PLEKHA5: variants seen among roughly 807,000 people sequenced by gnomAD.
The protein encoded by PLEKHA5 is pleckstrin homology domain containing A5.
A neutral mutation model predicts 181.9 loss-of-function variants in PLEKHA5; 55 were observed. The ratio of observed to expected loss-of-function variants is 0.30; its 90% CI spans 0.24 to 0.38. The LOEUF (loss-of-function observed/expected upper bound fraction) is 0.38, where lower values mean the gene tolerates loss of function less well. Among genes scored for constraint, PLEKHA5 ranks in the 10% least tolerant of loss-of-function variants. PLEKHA5 has a pLI of 1.00. For synonymous variants in PLEKHA5, 535 were observed against 529.4 expected (o/e 1.01, Z -0.15); for missense variants, 1,432 against 1,549.5 (o/e 0.92, Z 1.27).
At chr12:19,137,875 A>C (rs1261159004) in intron 3 of PLEKHA5, among the ~76,000 whole-genome samples, 3 of 152,138 alleles carry the variant, frequency 2.0e-5, no homozygotes, top group Non-Finnish European at 4.4e-5. Flanking sequence ...GCTGGCTCCT[A>C]GTTATTTAAG....
At chr12:19,214,430 C>G (rs1383750425) in intron 3 of PLEKHA5, among the ~76,000 whole-genome samples, 3 of 151,866 alleles carry the variant, frequency 2.0e-5, no homozygotes, top group African/African-American at 7.3e-5. Context: ...TACAAATAGC[C>G]TTTTTGACTG....
intron 3 of PLEKHA5, chr12:19,151,820 A>G (rs2040447825): frequency 6.6e-6 from 1 of 151,764 alleles, no homozygotes; most frequent in Admixed American, 6.6e-5. Context: ...AAAAAATTCA[A>G]GGATCAAGAT....
chr12:19,365,908 AAAATT>A, intron 29 of PLEKHA5, 51 bp from the exon 30 acceptor site: 1 of 1,277,600 alleles, frequency 7.8e-7, no homozygotes. Context: ...AAAAAAAAGA[AAAATT>A]AATTGTATTC....
intron 6 of PLEKHA5, among the ~76,000 whole-genome samples, chr12:19,258,555 C>CTTTTTTTTTTT (rs2067457318): frequency 1.0e-5 from 1 of 98,776 alleles, no homozygotes. Context: ...TTTTTTTTTT[C>CTTTTTTTTTTT]TTTTTCTTTT....
chr12:19,154,121 G>A (rs1243106949), intron 3 of PLEKHA5: 1 of 152,008 alleles, frequency 6.6e-6, no homozygotes, highest in Non-Finnish European at 1.5e-5. Flanking sequence ...TATCATGAGG[G>A]GACCTCCACC....
intron 3 of PLEKHA5, among the ~76,000 whole-genome samples, chr12:19,175,202 A>G (rs985806119): frequency 5.9e-5 from 9 of 152,140 alleles, no homozygotes; most frequent in Non-Finnish European, 1.3e-4. Context: ...ATCGAGTGTA[A>G]ACTGTGAAAA....
chr12:19,186,889 C>T (rs951463871), intron 3 of PLEKHA5, among the ~76,000 whole-genome samples: 2 of 152,058 alleles, frequency 1.3e-5, no homozygotes, highest in African/African-American at 4.8e-5. Flanking sequence ...ATCAGAAGGT[C>T]GAGGAATAAC....
intron 11 of PLEKHA5, among the ~76,000 whole-genome samples, chr12:19,281,193 C>T (rs569941482): frequency 1.3e-4 from 20 of 149,936 alleles, no homozygotes; most frequent in Non-Finnish European, 2.7e-4. Context: ...CTCCACTGCA[C>T]TCCAGCCTGG....
intron 3 of PLEKHA5, among the ~76,000 whole-genome samples, chr12:19,228,423 T>C (rs1393376047): frequency 3.5e-4 from 34 of 98,034 alleles, no homozygotes; most frequent in Admixed American, 3.1e-3. Flanking sequence ...TCAAAGCCTA[T>C]TTATATTTTT....
intron 25 of PLEKHA5, among the ~76,000 whole-genome samples, chr12:19,349,956 C>T (rs1286274301): frequency 6.6e-6 from 1 of 151,940 alleles, no homozygotes; most frequent in African/African-American, 2.4e-5. Context: ...ACTAAAAATA[C>T]AAAAAATTAG....
At chr12:19,231,469 T>G (rs2060528420) in intron 3 of PLEKHA5, among the ~76,000 whole-genome samples, 1 of 115,536 alleles carries the variant, frequency 8.7e-6, no homozygotes, top group South Asian at 2.7e-4. Context: ...GAAATGTATA[T>G]TCATCCAAAA....
At chr12:19,138,572 C>CAAA (rs61416754) in intron 3 of PLEKHA5, among the ~76,000 whole-genome samples, 4 of 85,760 alleles carry the variant, frequency 4.7e-5, no homozygotes, top group Middle Eastern at 6.3e-3. Flanking sequence ...GACTCTGTCT[C>CAAA]AAAAAAAAAA....
At chr12:19,221,819 C>A (rs1003112248) in intron 3 of PLEKHA5, among the ~76,000 whole-genome samples, 2 of 152,048 alleles carry the variant, frequency 1.3e-5, no homozygotes, top group East Asian at 3.9e-4. Flanking sequence ...GTAAGGTCAT[C>A]AAAAACAAGA....
chr12:19,333,889 G>GCC (rs2093103067), intron 20 of PLEKHA5, among the ~76,000 whole-genome samples: 1 of 152,068 alleles, frequency 6.6e-6, no homozygotes, highest in South Asian at 2.1e-4. Flanking sequence ...GATTACAGGC[G>GCC]TGAGCCACCG....
chr12:19,209,010 A>G (rs1473955831), intron 3 of PLEKHA5, among the ~76,000 whole-genome samples: 2 of 152,164 alleles, frequency 1.3e-5, no homozygotes, highest in South Asian at 2.1e-4. Flanking sequence ...TTCATGGAAA[A>G]TGGATATTGT....
intron 20 of PLEKHA5, among the ~76,000 whole-genome samples, chr12:19,332,798 T>C (rs908011434): frequency 3.3e-5 from 5 of 152,312 alleles, no homozygotes; most frequent in Admixed American, 1.3e-4. Context: ...TAGCTGGGAC[T>C]ACAGACATGC....
chr12:19,232,385 A>T (rs950139168), intron 3 of PLEKHA5, among the ~76,000 whole-genome samples: 3 of 152,150 alleles, frequency 2.0e-5, no homozygotes, highest in Admixed American at 2.0e-4. Flanking sequence ...GACAGAGTTC[A>T]GAAGGAGGAA....
chr12:19,185,770 T>A (rs1352064285), intron 3 of PLEKHA5, among the ~76,000 whole-genome samples: 3 of 152,208 alleles, frequency 2.0e-5, no homozygotes, highest in African/African-American at 7.2e-5. Context: ...TCTCCATATC[T>A]GTAGGGGCCC....
At chr12:19,295,050 A>G (rs1167795006) in intron 15 of PLEKHA5, among the ~76,000 whole-genome samples, 1 of 152,238 alleles carries the variant, frequency 6.6e-6, no homozygotes. Flanking sequence ...CCACATTTAT[A>G]TAAGACTAGC....
Sources: gnomAD v4.1 joint callset for allele counts (sites outside exome capture counted in the v4.1 genomes callset) on GRCh38, gnomAD v4.1.1 for gene constraint, MANE v1.5 for transcripts, NCBI Gene and HGNC (gene_info 2026-07-23, HGNC 2026-07-21) for gene names.